The following KCNK13 variants were observed in gnomAD, a reference collection of about 807,000 sequenced individuals.
KCNK13 encodes potassium channel subfamily K member 13.
In KCNK13, 12 loss-of-function variants were observed where a neutral mutation model predicts 23.4. The ratio of observed to expected loss-of-function variants is 0.51; its 90% CI spans 0.33 to 0.83. The LOEUF (loss-of-function observed/expected upper bound fraction) is 0.83, where lower values mean the gene tolerates loss of function less well. Ranked by LOEUF, KCNK13 falls within the 40% of genes least tolerant of loss-of-function variation. The pLI is 0.02. For synonymous variants in KCNK13, 231 were observed against 229.5 expected, an observed-to-expected ratio of 1.01 and a Z score of -0.06; for missense variants, 463 against 556.3, an observed-to-expected ratio of 0.83 and a Z score of 1.69.
intron 1 of KCNK13, among the ~76,000 whole-genome samples, chr14:90,149,419 C>T (rs181800262): frequency 7.9e-5 from 12 of 152,296 alleles, no homozygotes; most frequent in Admixed American, 6.5e-4. Flanking sequence ...TGGGAGGCCT[C>T]ACAATCATGG....
intron 1 of KCNK13, among the ~76,000 whole-genome samples, chr14:90,142,440 T>C (rs968230386): frequency 1.0e-4 from 15 of 146,666 alleles, no homozygotes; most frequent in African/African-American, 3.3e-4. Context: ...TGCCTCAGCC[T>C]CCCAAGTAGC....
chr14:90,121,678 G>A (rs1003164521), intron 1 of KCNK13, among the ~76,000 whole-genome samples: 1 of 152,126 alleles, frequency 6.6e-6, no homozygotes, highest in Non-Finnish European at 1.5e-5. Flanking sequence ...CACTTTATTA[G>A]TACCTTGTTG....
intron 1 of KCNK13, among the ~76,000 whole-genome samples, chr14:90,133,769 T>G: frequency 6.6e-6 from 1 of 152,128 alleles, no homozygotes. Flanking sequence ...ACAGCTCAAC[T>G]CTAATCTTCT....
intron 1 of KCNK13, among the ~76,000 whole-genome samples, chr14:90,109,673 G>A (rs1276762680): frequency 2.6e-5 from 4 of 150,978 alleles, no homozygotes; most frequent in Non-Finnish European, 5.9e-5. Context: ...GCCTCCCAAA[G>A]TGCTGGGATT....
At chr14:90,095,288 G>T (rs1482252532) in intron 1 of KCNK13, among the ~76,000 whole-genome samples, 1 of 152,070 alleles carries the variant, frequency 6.6e-6, no homozygotes, top group Non-Finnish European at 1.5e-5. Context: ...TTCTAACAGG[G>T]GTGCATGGTA....
chr14:90,136,688 T>C (rs1292982097), intron 1 of KCNK13, among the ~76,000 whole-genome samples: 1 of 152,158 alleles, frequency 6.6e-6, no homozygotes. Context: ...CAAGGAGTCC[T>C]TCATCTCTGT....
chr14:90,112,893 A>G (rs953707460), intron 1 of KCNK13, among the ~76,000 whole-genome samples: 1 of 152,056 alleles, frequency 6.6e-6, no homozygotes, highest in Admixed American at 6.6e-5. Context: ...TTTATTGTAT[A>G]AAAAAAGTCT....
chr14:90,157,376 A>T (rs1227682866), intron 1 of KCNK13, among the ~76,000 whole-genome samples: 1 of 152,178 alleles, frequency 6.6e-6, no homozygotes, highest in Non-Finnish European at 1.5e-5. Context: ...TAACCACGAA[A>T]AAAAAGTGTC....
chr14:90,182,094 T>C (rs1890494112), intron 1 of KCNK13, among the ~76,000 whole-genome samples: 1 of 152,200 alleles, frequency 6.6e-6, no homozygotes, highest in Admixed American at 6.5e-5. Flanking sequence ...TGTCCCTCGA[T>C]CCTCCCTTCC....
intron 1 of KCNK13, among the ~76,000 whole-genome samples, chr14:90,137,887 C>T (rs564558651): frequency 6.6e-6 from 1 of 152,178 alleles, no homozygotes; most frequent in Non-Finnish European, 1.5e-5. Flanking sequence ...ATTGATTCCA[C>T]TGTTAGCCTG....
At chr14:90,160,916 G>A (rs1331879326) in intron 1 of KCNK13, among the ~76,000 whole-genome samples, 1 of 151,110 alleles carries the variant, frequency 6.6e-6, no homozygotes, top group African/African-American at 2.4e-5. Context: ...CTAATAATCA[G>A]TTGTGAAAAA....
intron 1 of KCNK13, among the ~76,000 whole-genome samples, chr14:90,147,609 A>G (rs1281704157): frequency 2.0e-5 from 3 of 152,188 alleles, no homozygotes; most frequent in African/African-American, 7.2e-5. Flanking sequence ...CAAAGTTATT[A>G]CAATATTTTC....
intron 1 of KCNK13, among the ~76,000 whole-genome samples, chr14:90,083,345 C>G (rs1026036614): frequency 1.3e-5 from 2 of 152,108 alleles, no homozygotes; most frequent in African/African-American, 4.8e-5. Context: ...AAACCATTAC[C>G]TAATCTAAGG....
chr14:90,147,879 T>C (rs2140431639), intron 1 of KCNK13, among the ~76,000 whole-genome samples: 1 of 152,296 alleles, frequency 6.6e-6, no homozygotes, highest in South Asian at 2.1e-4. Context: ...ATAAGTCTTA[T>C]GTTTATAGGA....
chr14:90,075,824 A>G (rs906276859), intron 1 of KCNK13, among the ~76,000 whole-genome samples: 1 of 152,070 alleles, frequency 6.6e-6, no homozygotes, highest in African/African-American at 2.4e-5. Flanking sequence ...CTCTAGTTTC[A>G]TTCTTCTCAT....
At chr14:90,139,180 G>T (rs1310193587) in intron 1 of KCNK13, among the ~76,000 whole-genome samples, 1 of 152,138 alleles carries the variant, frequency 6.6e-6, no homozygotes, top group South Asian at 2.1e-4. Flanking sequence ...TACATGAGAG[G>T]TTATTTGAGA....
chr14:90,144,574 G>A (rs10142226), intron 1 of KCNK13, among the ~76,000 whole-genome samples: 6 of 133,598 alleles, frequency 4.5e-5, no homozygotes, highest in African/African-American at 1.7e-4. Flanking sequence ...TCAGCTCATT[G>A]CAACCTCTGC....
chr14:90,174,182 C>T (rs1890396712), intron 1 of KCNK13, among the ~76,000 whole-genome samples: 1 of 152,024 alleles, frequency 6.6e-6, no homozygotes, highest in African/African-American at 2.4e-5. Context: ...TGGTGGTGGG[C>T]ACCTGTAGTC....
intron 1 of KCNK13, among the ~76,000 whole-genome samples, chr14:90,099,077 T>TA (rs1281943587): frequency 6.7e-6 from 1 of 149,454 alleles, no homozygotes; most frequent in Non-Finnish European, 1.5e-5. Flanking sequence ...TCTGTCTCTA[T>TA]AAAAAAATTT....
Sources: gnomAD v4.1 joint callset for allele counts (sites outside exome capture counted in the v4.1 genomes callset) on GRCh38, gnomAD v4.1.1 for gene constraint, MANE v1.5 for transcripts, NCBI Gene and HGNC (gene_info 2026-07-23, HGNC 2026-07-21) for gene names.